FER: variants seen among roughly 807,000 people sequenced by gnomAD.
FER encodes the protein FER tyrosine kinase, also known as tyrosine-protein kinase Fer.
FER carries 63 observed loss-of-function variants against 111.0 expected under a neutral mutation model. The ratio of observed to expected loss-of-function variants is 0.57; its 90% CI spans 0.46 to 0.70. The LOEUF is 0.70. Ranked by LOEUF, FER falls within the 30% of genes least tolerant of loss-of-function variation. FER has a pLI of 0.00. For missense variants in FER, 914 were observed against 954.0 expected (o/e 0.96, Z 0.55); for synonymous variants, 327 against 313.9 (o/e 1.04, Z -0.44).
chr5:108,877,509 C>G (rs1297839037), intron 8 of FER, among the ~76,000 whole-genome samples: 1 of 152,160 alleles, frequency 6.6e-6, no homozygotes, highest in Non-Finnish European at 1.5e-5. Context: ...TTGAGAAAAG[C>G]TCATAAAGAT....
rs114540091 is a variant in FER at position 109,079,821 on chromosome 5, T to C, written c.1925-20575T>C. On this transcript the variant is annotated intron_variant, in intron 16 of 19. Transcript: ENST00000281092. ...TGCCCTGCAATGTAGCTGTCAGACA[T>C]CATAGCCAAGCCAATGCCAACCCCA... is the stretch of plus-strand genomic sequence containing the variant. 9.9e-3 allele frequency among the ~76,000 whole-genome samples: 1,501 copies of C among 152,226 alleles called. 19 individuals carry two copies. Among genetic ancestry groups the C allele is most frequent in the African/African-American group, 0.034 (1,425 of 41,544 alleles).
chr5:109,127,058 A>G (rs1293961675), intron 17 of FER, among the ~76,000 whole-genome samples: 1 of 152,206 alleles, frequency 6.6e-6, no homozygotes, highest in African/African-American at 2.4e-5. Flanking sequence ...AAAGAAATCT[A>G]ACTGCTACAT....
chr5:109,053,730 G>A (rs111638246), intron 16 of FER, among the ~76,000 whole-genome samples: 7 of 129,716 alleles, frequency 5.4e-5, no homozygotes, highest in East Asian at 2.2e-4. Flanking sequence ...TCTCGCTCTC[G>A]CCCAGGCTGG....
At chr5:109,055,069 A>G (rs1773447619) in intron 16 of FER, among the ~76,000 whole-genome samples, 1 of 152,226 alleles carries the variant, frequency 6.6e-6, no homozygotes, top group African/African-American at 2.4e-5. Context: ...AGGGGAAAGA[A>G]TAGTCTGCCT....
chr5:109,173,973 A>T (rs1757424382), intron 17 of FER, among the ~76,000 whole-genome samples: 1 of 152,200 alleles, frequency 6.6e-6, no homozygotes, highest in Non-Finnish European at 1.5e-5. Context: ...CTGCATTCAA[A>T]GAGGCGGGAC....
At chr5:108,839,405 A>G (rs957043867) in intron 5 of FER, among the ~76,000 whole-genome samples, 5 of 152,086 alleles carry the variant, frequency 3.3e-5, no homozygotes, top group African/African-American at 9.7e-5. Flanking sequence ...TTGGGGAGTT[A>G]GGCTAGTCAA....
intron 6 of FER, among the ~76,000 whole-genome samples, chr5:108,868,923 A>G (rs1346406358): frequency 1.3e-5 from 2 of 152,136 alleles, no homozygotes; most frequent in Non-Finnish European, 2.9e-5. Flanking sequence ...GTTATGGTGC[A>G]AGAGGAAGCC....
intron 17 of FER, among the ~76,000 whole-genome samples, chr5:109,137,303 C>A (rs990199216): frequency 3.3e-5 from 5 of 152,200 alleles, no homozygotes; most frequent in Non-Finnish European, 7.4e-5. Context: ...TCTTCTTCAA[C>A]TATGTACCAA....
At chr5:109,153,872 G>C (rs1755102962) in intron 17 of FER, among the ~76,000 whole-genome samples, 1 of 151,734 alleles carries the variant, frequency 6.6e-6, no homozygotes, top group African/African-American at 2.4e-5. Flanking sequence ...CAGAGCCTCT[G>C]CTTTCTCATC....
intron 1 of FER, among the ~76,000 whole-genome samples, chr5:108,761,175 A>G (rs1464424569): frequency 6.6e-6 from 1 of 151,886 alleles, no homozygotes; most frequent in Non-Finnish European, 1.5e-5. Context: ...TGGTCCCCCC[A>G]CCTCGGCCTC....
intron 10 of FER, among the ~76,000 whole-genome samples, chr5:108,932,424 A>G (rs191015963): frequency 1.3e-5 from 2 of 152,292 alleles, no homozygotes; most frequent in South Asian, 2.1e-4. Context: ...CCTATCACTG[A>G]TGGACATTTG....
intron 8 of FER, among the ~76,000 whole-genome samples, chr5:108,875,124 C>A (rs1456186981): frequency 6.6e-6 from 1 of 152,106 alleles, no homozygotes; most frequent in Admixed American, 6.6e-5. Flanking sequence ...CCATATTTAT[C>A]AAGGTCTAAA....
At chr5:109,020,636 A>T (rs1197935943) in intron 13 of FER, among the ~76,000 whole-genome samples, 2 of 151,988 alleles carry the variant, frequency 1.3e-5, no homozygotes, top group Non-Finnish European at 2.9e-5. Flanking sequence ...AAGATTAATT[A>T]TGTTTTATCC....
rs1759142025 is a variant in FER, at chr5:109,188,677, A to G, written c.*1102A>G. ...ATACATATTCTATTTTATGGTCTGA[A>G]TTTACCAGAAAGGTCCTAAGAAAAG... is the stretch of plus-strand genomic sequence containing the variant. On this transcript the variant is annotated 3_prime_UTR_variant, in exon 20 of 20. Coordinates refer to ENST00000281092, the MANE Select transcript of FER (RefSeq NM_005246.4). 1 of 152,196 alleles carries G rather than the reference A, an allele frequency of 6.6e-6. No homozygotes were observed. Among genetic ancestry groups the G allele is most frequent in the Non-Finnish European group, 1.5e-5 (1 of 68,028 alleles). The allele number at this position is 152,196 out of a possible 1,614,324, so 9.4% of individuals were successfully genotyped here.
At chr5:109,165,451 A>T (rs964164982) in intron 17 of FER, among the ~76,000 whole-genome samples, 4 of 152,188 alleles carry the variant, frequency 2.6e-5, no homozygotes, top group Admixed American at 6.5e-5. Context: ...AGTTCCTAGA[A>T]GATGTTAACC....
At chr5:108,894,481 A>T (rs1748728665) in intron 9 of FER, 3 of 394,398 alleles carry the variant, frequency 7.6e-6, no homozygotes, top group Non-Finnish European at 1.5e-5. Context: ...ATGTGAGGAT[A>T]TTTCTCAGAG....
At chr5:108,801,681 C>T (rs1561440906) in intron 3 of FER, among the ~76,000 whole-genome samples, 1 of 152,140 alleles carries the variant, frequency 6.6e-6, no homozygotes. Context: ...TTCACAGTTG[C>T]ATGGATAGAA....
intron 17 of FER, among the ~76,000 whole-genome samples, chr5:109,155,126 T>C (rs747026971): frequency 2.6e-5 from 4 of 151,920 alleles, no homozygotes; most frequent in African/African-American, 4.8e-5. Flanking sequence ...TATTCTCTTG[T>C]CATATGGCCC....
intron 2 of FER, among the ~76,000 whole-genome samples, chr5:108,789,506 G>T (rs1165080694): frequency 6.6e-6 from 1 of 151,096 alleles, no homozygotes. Flanking sequence ...AAATTTTCTG[G>T]GTTATTCCAG....
Sources: gnomAD v4.1 joint callset for allele counts (sites outside exome capture counted in the v4.1 genomes callset) on GRCh38, gnomAD v4.1.1 for gene constraint, MANE v1.5 for transcripts, NCBI Gene and HGNC (gene_info 2026-07-23, HGNC 2026-07-21) for gene names.